GPC6: variants seen among roughly 807,000 people sequenced by gnomAD.
The protein encoded by GPC6 is glypican 6.
Under a neutral mutation model 55.2 loss-of-function variants are expected in GPC6, and 14 were observed. The observed-to-expected ratio is 0.25, with a 90% CI of 0.17 to 0.40. The LOEUF (loss-of-function observed/expected upper bound fraction) is 0.40. Among genes scored for constraint, GPC6 ranks in the 10% least tolerant of loss-of-function variants. The pLI is 1.00. For synonymous variants in GPC6, 278 were observed against 259.6 expected (o/e 1.07, Z -0.68); for missense variants, 641 against 708.5 (o/e 0.90, Z 1.08).
intron 1 of GPC6, among the ~76,000 whole-genome samples, chr13:93,437,098 A>G (rs1186886055): frequency 1.3e-5 from 2 of 152,030 alleles, no homozygotes; most frequent in East Asian, 3.9e-4. Flanking sequence ...ATTGTCTTGG[A>G]GCACCATGAA....
At chr13:93,256,959 C>T (rs142065150) in intron 1 of GPC6, among the ~76,000 whole-genome samples, 1 of 152,054 alleles carries the variant, frequency 6.6e-6, no homozygotes, top group Non-Finnish European at 1.5e-5. Flanking sequence ...CCAACCTAAT[C>T]TTTAGAAAGA....
chr13:93,382,885 C>T (rs948459806), intron 1 of GPC6, among the ~76,000 whole-genome samples: 1 of 152,094 alleles, frequency 6.6e-6, no homozygotes, highest in African/African-American at 2.4e-5. Flanking sequence ...TTCTCTTGTC[C>T]TTTGGCGGTT....
chr13:93,607,873 A>G (rs187334490), intron 2 of GPC6, among the ~76,000 whole-genome samples: 2 of 152,078 alleles, frequency 1.3e-5, no homozygotes, highest in East Asian at 1.9e-4. Context: ...CCTCCCTGCA[A>G]CTTCTGGGGA....
At chr13:93,765,682 G>A (rs913431224) in intron 2 of GPC6, among the ~76,000 whole-genome samples, 5 of 152,080 alleles carry the variant, frequency 3.3e-5, no homozygotes, top group South Asian at 2.1e-4. Context: ...AAATTACATA[G>A]CACCCTAAAG....
At chr13:93,977,761 G>A (rs1044523223) in intron 3 of GPC6, among the ~76,000 whole-genome samples, 1 of 152,044 alleles carries the variant, frequency 6.6e-6, no homozygotes, top group Admixed American at 6.6e-5. Context: ...TCCTACCTAA[G>A]GACTGCTGCT....
intron 2 of GPC6, among the ~76,000 whole-genome samples, chr13:93,577,770 G>T (rs1259778473): frequency 6.6e-6 from 1 of 151,972 alleles, no homozygotes. Flanking sequence ...GGTGAAAGTG[G>T]ACATCCTTGT....
intron 1 of GPC6, among the ~76,000 whole-genome samples, chr13:93,413,502 C>T (rs117785179): frequency 2.0e-5 from 3 of 151,850 alleles, no homozygotes; most frequent in South Asian, 2.1e-4. Flanking sequence ...CATAAGTGGA[C>T]CCTTATTTAA....
chr13:93,635,999 A>G (rs1259947022), intron 2 of GPC6, among the ~76,000 whole-genome samples: 3 of 152,106 alleles, frequency 2.0e-5, no homozygotes, highest in African/African-American at 4.8e-5. Context: ...ACTCGGCTCC[A>G]CATTGCATAA....
intron 2 of GPC6, among the ~76,000 whole-genome samples, chr13:93,723,427 G>T (rs1166818830): frequency 6.6e-6 from 1 of 151,938 alleles, no homozygotes; most frequent in Non-Finnish European, 1.5e-5. Flanking sequence ...CACTTCTAAT[G>T]AAGGATGTAC....
At chr13:93,986,510 C>T (rs1431628969) in intron 3 of GPC6, among the ~76,000 whole-genome samples, 1 of 152,070 alleles carries the variant, frequency 6.6e-6, no homozygotes, top group Non-Finnish European at 1.5e-5. Context: ...ATTTGGGTAA[C>T]TTTGAAATAA....
At chr13:93,238,836 T>C (rs998644362) in intron 1 of GPC6, among the ~76,000 whole-genome samples, 104 of 152,284 alleles carry the variant, frequency 6.8e-4, no homozygotes, top group African/African-American at 2.3e-3. Flanking sequence ...TTTCTTCATC[T>C]GCTAAAATGA....
chr13:93,753,937 G>C (rs1260536577), intron 2 of GPC6, among the ~76,000 whole-genome samples: 1 of 152,074 alleles, frequency 6.6e-6, no homozygotes, highest in Non-Finnish European at 1.5e-5. Flanking sequence ...GTGAGCCATT[G>C]CACCTGGCCT....
At chr13:94,020,425 T>G (rs1882652742) in intron 3 of GPC6, among the ~76,000 whole-genome samples, 3 of 152,190 alleles carry the variant, frequency 2.0e-5, no homozygotes, top group Admixed American at 6.5e-5. Context: ...ATCAGTCTCT[T>G]TCTTGACTAA....
At chr13:93,352,073 G>C (rs1191453156) in intron 1 of GPC6, among the ~76,000 whole-genome samples, 1 of 152,086 alleles carries the variant, frequency 6.6e-6, no homozygotes, top group Non-Finnish European at 1.5e-5. Context: ...AATAATTGGA[G>C]GATGGGGAAA....
intron 1 of GPC6, among the ~76,000 whole-genome samples, chr13:93,521,885 C>A (rs552901984): frequency 2.2e-4 from 34 of 152,002 alleles, no homozygotes; most frequent in African/African-American, 7.5e-4. Context: ...TTATCATATG[C>A]TAGGTTTTAG....
intron 1 of GPC6, among the ~76,000 whole-genome samples, chr13:93,408,911 A>G (rs534311808): frequency 1.3e-5 from 2 of 152,240 alleles, no homozygotes; most frequent in South Asian, 4.1e-4. Context: ...ATCCCAGCCT[A>G]TGCAATGAAA....
chr13:94,304,242 A>C (rs188787438), intron 5 of GPC6, among the ~76,000 whole-genome samples: 1 of 152,326 alleles, frequency 6.6e-6, no homozygotes, highest in Admixed American at 6.5e-5. Context: ...TGCCAAGACA[A>C]AGTACCGCCG....
chr13:94,359,876 G>A (rs1015394755), intron 6 of GPC6, among the ~76,000 whole-genome samples: 3 of 152,226 alleles, frequency 2.0e-5, no homozygotes, highest in Non-Finnish European at 4.4e-5. Flanking sequence ...TTATTCCCAA[G>A]TACAATGTAA....
chr13:94,235,483 C>G lies in GPC6; in HGVS notation c.878-50866C>G, dbSNP rs143267381. Among the ~76,000 whole-genome samples the G allele has an allele frequency of 3.0e-4, 45 of 152,210 alleles. No homozygotes were observed. The East Asian group carries it at 7.3e-3, about 25-fold the overall frequency. On this transcript the variant is annotated intron_variant, in intron 4 of 8. Transcript: ENST00000377047. ...AGGCTCTGCAGTGTTCCTAGGGAAC[C>G]TTGATAAACATTATTACCTTGAGCC...
Sources: allele counts gnomAD v4.1 joint callset (sites outside exome capture counted in the v4.1 genomes callset), GRCh38; gene constraint gnomAD v4.1.1; transcripts MANE v1.5; gene names NCBI Gene and HGNC (gene_info 2026-07-23, HGNC 2026-07-21).